The following CFAP299 variants were observed in gnomAD, a reference collection of about 807,000 sequenced individuals.
CFAP299 encodes cilia- and flagella-associated protein 299.
In CFAP299, 21 loss-of-function variants were observed where a neutral mutation model predicts 27.0. That is an observed-to-expected ratio of 0.78 (90% CI 0.55 to 1.12). The LOEUF is 1.12. Ranked by LOEUF, CFAP299 falls within the 50% of genes most tolerant of loss-of-function variation. The pLI is 0.00. For missense variants in CFAP299, 310 were observed against 276.6 expected (o/e 1.12, Z -0.86); for synonymous variants, 104 against 98.1 (o/e 1.06, Z -0.36).
chr4:80,684,086 T>C (rs890944339), intron 3 of CFAP299, among the ~76,000 whole-genome samples: 4 of 152,224 alleles, frequency 2.6e-5, no homozygotes, highest in African/African-American at 9.6e-5. Context: ...ATAAGCCTAT[T>C]CTTGCCTATT....
chr4:80,514,856 T>C (rs1293477645), intron 2 of CFAP299, among the ~76,000 whole-genome samples: 2 of 152,074 alleles, frequency 1.3e-5, no homozygotes, highest in East Asian at 3.8e-4. Context: ...AGTAAAAAAA[T>C]AGTAATTTAG....
chr4:80,910,919 A>T (rs1735437931), intron 4 of CFAP299, among the ~76,000 whole-genome samples: 1 of 152,110 alleles, frequency 6.6e-6, no homozygotes, highest in Non-Finnish European at 1.5e-5. Context: ...AGTTCTCAGT[A>T]TACACTATTG....
At chr4:80,825,664 A>C (rs751369612) in intron 3 of CFAP299, among the ~76,000 whole-genome samples, 15 of 152,018 alleles carry the variant, frequency 9.9e-5, no homozygotes, top group Non-Finnish European at 2.9e-5. Context: ...TCAAAAGTAC[A>C]GAAGAAATTA....
chr4:80,530,103 C>A (rs995894682), intron 2 of CFAP299, among the ~76,000 whole-genome samples: 1 of 152,034 alleles, frequency 6.6e-6, no homozygotes, highest in Non-Finnish European at 1.5e-5. Flanking sequence ...GTCACACATT[C>A]GTCGAAAATA....
At chr4:80,901,173 G>A (rs1734872664) in intron 4 of CFAP299, among the ~76,000 whole-genome samples, 1 of 152,024 alleles carries the variant, frequency 6.6e-6, no homozygotes, top group South Asian at 2.1e-4. Context: ...CAGGCGTTAT[G>A]GAGGGCAAAA....
rs10022464 is a variant in CFAP299, at chr4:80,672,245, G to A, written c.333+89062G>A. Among the ~76,000 whole-genome samples the A allele has an allele frequency of 7.2e-3, 1,095 of 152,252 alleles. 4 individuals are homozygous for A. Among genetic ancestry groups the A allele is most frequent in the Non-Finnish European group, 0.012 (800 of 68,020 alleles). ...TTGAATTTTATCGAAGGTCTTTTCT[G>A]CATCTATTGAGATAATCATGTGGTT... On this transcript the variant is annotated intron_variant, in intron 3 of 5. Coordinates refer to ENST00000358105, the MANE Select transcript of CFAP299 (RefSeq NM_152770.3).
intron 3 of CFAP299, among the ~76,000 whole-genome samples, chr4:80,612,583 T>C (rs749397958): frequency 2.6e-5 from 4 of 152,118 alleles, no homozygotes; most frequent in Non-Finnish European, 5.9e-5. Context: ...TGTAACTGTA[T>C]AAAATGATTT....
chr4:80,816,044 C>T (rs1729404954), intron 3 of CFAP299, among the ~76,000 whole-genome samples: 1 of 151,858 alleles, frequency 6.6e-6, no homozygotes, highest in African/African-American at 2.4e-5. Flanking sequence ...AAAACTATTA[C>T]ATATGTATTC....
At position 80,492,222 on chromosome 4, in the gene CFAP299, C is replaced by T. The variant is rs111403614; in HGVS notation, c.243-90871C>T. ...GTGATGTCTCATGCCTCTCTAACGT[C>T]TATAAAACCAAGCTGTGCCCCGACC... On this transcript the variant is annotated intron_variant, in intron 2 of 5. Transcript: ENST00000358105. 2.5e-3 allele frequency among the ~76,000 whole-genome samples: 378 copies of T among 152,282 alleles called. 2 individuals carry two copies. Among genetic ancestry groups the T allele is most frequent in the African/African-American group, 8.5e-3 (353 of 41,556 alleles).
intron 4 of CFAP299, among the ~76,000 whole-genome samples, chr4:80,893,596 T>A (rs571710572): frequency 6.0e-5 from 9 of 151,104 alleles, no homozygotes; most frequent in Admixed American, 2.0e-4. Flanking sequence ...AACAAATGTA[T>A]CAAGAACACA....
chr4:80,493,251 C>G (rs1164035678), intron 2 of CFAP299, among the ~76,000 whole-genome samples: 1 of 152,180 alleles, frequency 6.6e-6, no homozygotes, highest in East Asian at 1.9e-4. Context: ...TTTTAATTAT[C>G]AGCAAGGCAA....
chr4:80,725,938 G>T (rs1723135642), intron 3 of CFAP299, among the ~76,000 whole-genome samples: 1 of 152,266 alleles, frequency 6.6e-6, no homozygotes, highest in Middle Eastern at 3.4e-3. Context: ...ATATAATTCT[G>T]ATGTCAGCCC....
At chr4:80,890,243 A>G (rs1262545075) in intron 4 of CFAP299, among the ~76,000 whole-genome samples, 1 of 152,154 alleles carries the variant, frequency 6.6e-6, no homozygotes, top group Non-Finnish European at 1.5e-5. Flanking sequence ...AAGACTCCAC[A>G]AAAAGCTGTT....
intron 3 of CFAP299, among the ~76,000 whole-genome samples, chr4:80,643,629 GA>G (rs1739837051): frequency 6.6e-6 from 1 of 152,162 alleles, no homozygotes; most frequent in Non-Finnish European, 1.5e-5. Context: ...CCTTGGATAT[GA>G]AGACGGGTGA....
At chr4:80,908,720 C>T (rs1188636961) in intron 4 of CFAP299, among the ~76,000 whole-genome samples, 2 of 152,094 alleles carry the variant, frequency 1.3e-5, no homozygotes, top group African/African-American at 4.8e-5. Flanking sequence ...TAAGTTCATT[C>T]AATTGTTAAT....
chr4:80,816,391 T>G (rs1198187415), intron 3 of CFAP299, among the ~76,000 whole-genome samples: 2 of 152,134 alleles, frequency 1.3e-5, no homozygotes, highest in Non-Finnish European at 2.9e-5. Context: ...ATCCCTTTAA[T>G]ATAGAAAATG....
At chr4:80,762,587 C>A (rs1489050631) in intron 3 of CFAP299, among the ~76,000 whole-genome samples, 1 of 152,028 alleles carries the variant, frequency 6.6e-6, no homozygotes, top group Non-Finnish European at 1.5e-5. Context: ...AGTTCTAGAG[C>A]CAATCTAAGC....
chr4:80,588,021 A>C (rs1385889), intron 3 of CFAP299, among the ~76,000 whole-genome samples: 1 of 151,306 alleles, frequency 6.6e-6, no homozygotes, highest in Non-Finnish European at 1.5e-5. Flanking sequence ...GCATGATACT[A>C]TAGAGGAAGA....
At chr4:80,686,850 GTTCC>G (rs1320271053) in intron 3 of CFAP299, among the ~76,000 whole-genome samples, 5 of 152,098 alleles carry the variant, frequency 3.3e-5, no homozygotes, top group Admixed American at 6.5e-5. Context: ...TAACATTTCT[GTTCC>G]TTCCTTTACA....
Sources: allele counts gnomAD v4.1 joint callset (sites outside exome capture counted in the v4.1 genomes callset), GRCh38; gene constraint gnomAD v4.1.1; transcripts MANE v1.5; gene names NCBI Gene and HGNC (gene_info 2026-07-23, HGNC 2026-07-21).